The following CFAP47 variants were observed in gnomAD, a reference collection of about 807,000 sequenced individuals.
CFAP47 encodes cilia- and flagella-associated protein 47.
A neutral mutation model predicts 148.1 loss-of-function variants in CFAP47; 29 were observed. The observed-to-expected ratio is 0.20, with a 90% confidence interval of 0.15 to 0.27. The LOEUF is 0.27. Ranked by LOEUF, CFAP47 falls within the 10% of genes least tolerant of loss-of-function variation. The pLI, the probability that CFAP47 is intolerant of heterozygous loss-of-function variation, is 1.00. For missense variants in CFAP47, 1,872 were observed against 1,697.5 expected (o/e 1.10, Z -1.81); for synonymous variants, 664 against 577.3 (o/e 1.15, Z -2.15).
At chrX:36,008,365 T>A (rs1937002851) in intron 21 of CFAP47, among the ~76,000 whole-genome samples, 1 of 111,513 alleles carries the variant, frequency 9.0e-6, no homozygotes, top group Admixed American at 9.6e-5. Flanking sequence ...TCAATAGCAC[T>A]GTTTTTTAAA....
At chrX:36,159,971 T>A (rs181336530) in intron 38 of CFAP47, among the ~76,000 whole-genome samples, 11 of 112,260 alleles carry the variant, frequency 9.8e-5, no homozygotes, top group Non-Finnish European at 1.5e-4. Flanking sequence ...AAAATGGTTG[T>A]GACATTATTG....
At chrX:35,946,742 G>A in intron 3 of CFAP47, among the ~76,000 whole-genome samples, 1 of 111,582 alleles carries the variant, frequency 9.0e-6, no homozygotes, top group East Asian at 2.8e-4. Flanking sequence ...GGTGATTTCA[G>A]AATTTGCCAA....
chrX:36,323,930 A>G (rs1158377541), intron 57 of CFAP47, among the ~76,000 whole-genome samples: 1 of 111,468 alleles, frequency 9.0e-6, no homozygotes, highest in Non-Finnish European at 1.9e-5. Context: ...CCTTGGAATG[A>G]GCTTCATACT....
chrX:36,337,856 C>CTTTTTTT (rs1196038760), intron 57 of CFAP47, among the ~76,000 whole-genome samples: 1 of 58,309 alleles, frequency 1.7e-5, no homozygotes, highest in Non-Finnish European at 2.8e-5. Flanking sequence ...TTCCATAATC[C>CTTTTTTT]TTTTTTTTTT....
intron 48 of CFAP47, among the ~76,000 whole-genome samples, chrX:36,241,496 T>A (rs1940543604): frequency 8.9e-6 from 1 of 112,009 alleles, no homozygotes; most frequent in African/African-American, 3.2e-5. Context: ...CAGAAGTGTG[T>A]GCACAATACA....
chrX:36,381,996 A>G (rs1279263054), intron 63 of CFAP47, among the ~76,000 whole-genome samples: 4 of 111,347 alleles, frequency 3.6e-5, no homozygotes, highest in Admixed American at 1.9e-4. Flanking sequence ...AAAGGAATAG[A>G]TCATTAGCAT....
intron 33 of CFAP47, among the ~76,000 whole-genome samples, chrX:36,111,530 C>T (rs186887732): frequency 1.8e-4 from 20 of 111,641 alleles, no homozygotes; most frequent in African/African-American, 2.9e-4. Flanking sequence ...ATTCTTGCAT[C>T]GATGTTCATC....
At chrX:36,204,217 G>A (rs1236698721) in intron 44 of CFAP47, among the ~76,000 whole-genome samples, 2 of 111,493 alleles carry the variant, frequency 1.8e-5, no homozygotes, top group South Asian at 3.7e-4. Context: ...TCACTCTGAC[G>A]GTGGTTTCTT....
intron 27 of CFAP47, among the ~76,000 whole-genome samples, chrX:36,071,325 A>T (rs1937747414): frequency 8.9e-6 from 1 of 112,468 alleles, no homozygotes; most frequent in Admixed American, 9.4e-5. Flanking sequence ...ATACATATAT[A>T]GCAACTGTAA....
chrX:36,041,213 A>G (rs1441831829), intron 25 of CFAP47, among the ~76,000 whole-genome samples: 1 of 111,206 alleles, frequency 9.0e-6, no homozygotes. Flanking sequence ...TGAAAGAGGA[A>G]TACAATGGAT....
chrX:35,926,609 T>C (rs1014130353), intron 2 of CFAP47, among the ~76,000 whole-genome samples: 4 of 111,900 alleles, frequency 3.6e-5, no homozygotes, highest in Admixed American at 9.5e-5. Context: ...GATTCATTTG[T>C]TGTTTTTTAA....
chrX:36,369,472 T>A (rs2146996674), intron 62 of CFAP47, among the ~76,000 whole-genome samples: 1 of 110,691 alleles, frequency 9.0e-6, no homozygotes. Context: ...CAATAGCAAA[T>A]GGAATTATCC....
intron 35 of CFAP47, among the ~76,000 whole-genome samples, chrX:36,144,362 G>A (rs764166181): frequency 1.8e-5 from 2 of 111,770 alleles, no homozygotes; most frequent in African/African-American, 3.3e-5. Context: ...GATTCAGAGC[G>A]GTATTATTGC....
chrX:36,310,271 A>G (rs1941382773), intron 55 of CFAP47, among the ~76,000 whole-genome samples: 1 of 111,193 alleles, frequency 9.0e-6, no homozygotes, highest in South Asian at 3.7e-4. Context: ...AGCCACATTC[A>G]ATCTCCTTCA....
intron 22 of CFAP47, among the ~76,000 whole-genome samples, chrX:36,023,535 C>G (rs1937183286): frequency 8.9e-6 from 1 of 112,018 alleles, no homozygotes; most frequent in African/African-American, 3.2e-5. Context: ...TGTGTCTTTT[C>G]CTTCAGGACA....
rs777568037 is a variant in CFAP47, at chrX:36,035,838, C to T, written c.3795C>T (p.Ser1265=). The change falls in exon 24 of 64, where the codon TCC becomes TCT. Residue 1265 remains serine, a synonymous_variant. Coordinates refer to ENST00000378653, the MANE Select transcript of CFAP47 (RefSeq NM_001304548.2). ...ILRPNEKYNV[S]ISFCPNRPGT... ...GACCAAATGAAAAGTATAATGTTTC[C>T]ATAAGTTTCTGTCCAAGTAAGATAT... 3.7e-4 allele frequency: 110 copies of T among 293,863 alleles called. No homozygotes were observed. The highest frequency in any genetic ancestry group is 2.9e-3 in the African/African-American group (104 of 36,200). The allele number at this position is 293,863 out of a possible 1,213,427, so 24.2% of individuals were successfully genotyped here. A position where few individuals can be genotyped will look rare whatever the true frequency, so the allele number is the denominator to read the frequency against.
At chrX:36,172,593 G>C (rs1226838920) in intron 39 of CFAP47, among the ~76,000 whole-genome samples, 2 of 110,563 alleles carry the variant, frequency 1.8e-5, no homozygotes, top group East Asian at 5.6e-4. Flanking sequence ...TTATATGCTG[G>C]ATTACATTTA....
At chrX:36,347,671 A>G (rs1941709446) in intron 57 of CFAP47, among the ~76,000 whole-genome samples, 1 of 111,460 alleles carries the variant, frequency 9.0e-6, no homozygotes, top group Non-Finnish European at 1.9e-5. Context: ...TCAGCAAACT[A>G]TCACAGGGTC....
rs368854952 is a variant in CFAP47, at chrX:36,071,821, G to A, written c.4319-4G>A. On this transcript the variant is annotated splice_region_variant and splice_polypyrimidine_tract_variant and intron_variant, in intron 27 of 63. Coordinates refer to ENST00000378653, the MANE Select transcript of CFAP47 (RefSeq NM_001304548.2). ...CTTACTGTGATCCAATGTGTCATTT[G>A]TAGATAAGGATGAATATCTTAAGAA... 2.5e-6 allele frequency: 3 copies of A among 1,200,081 alleles called. No homozygotes were observed. The highest frequency in any genetic ancestry group is 1.8e-5 in the African/African-American group (1 of 56,735).
Sources: gnomAD v4.1 joint callset for allele counts (sites outside exome capture counted in the v4.1 genomes callset) on GRCh38, gnomAD v4.1.1 for gene constraint, MANE v1.5 for transcripts, NCBI Gene and HGNC (gene_info 2026-07-23, HGNC 2026-07-21) for gene names.